TTC28: variants seen among roughly 807,000 people sequenced by gnomAD.
The protein encoded by TTC28 is tetratricopeptide repeat domain 28, also known as tetratricopeptide repeat protein 28.
In TTC28, 61 loss-of-function variants were observed where a neutral mutation model predicts 198.0. The ratio of observed to expected loss-of-function variants is 0.31; its 90% CI spans 0.25 to 0.38. TTC28 has a LOEUF of 0.38. Ranked by LOEUF, TTC28 falls within the 10% of genes least tolerant of loss-of-function variation. The pLI, the probability that TTC28 is intolerant of heterozygous loss-of-function variation, is 1.00. For synonymous variants in TTC28, 1,171 were observed against 1,297.8 expected, an observed-to-expected ratio of 0.90 and a Z score of 2.10; for missense variants, 2,678 against 3,164.0, an observed-to-expected ratio of 0.85 and a Z score of 3.69.
rs1418871258 is a variant in TTC28, at chr22:28,001,163, C to T, written c.4398+211G>A. 7.2e-6 allele frequency: 4 copies of T among 555,584 alleles called. No homozygotes were observed. In the South Asian group the frequency reaches 1.1e-4, roughly 16 times the overall value. The allele number at this position is 555,584 out of a possible 1,614,324, so 34.4% of individuals were successfully genotyped here. On this transcript the variant is annotated intron_variant, in intron 15 of 22. Transcript: ENST00000397906. ...TGACACAAACTGTGGCTTCCCAAGG[C>T]AGCAAAGAATGGCCAGGGGTCATGA...
intron 5 of TTC28, among the ~76,000 whole-genome samples, chr22:28,225,552 A>G (rs909953859): frequency 1.3e-5 from 2 of 152,200 alleles, no homozygotes; most frequent in African/African-American, 4.8e-5. Context: ...CAATTACAAA[A>G]AGAAATAATA....
intron 8 of TTC28, among the ~76,000 whole-genome samples, chr22:28,104,849 C>T (rs1169873740): frequency 6.6e-6 from 1 of 152,184 alleles, no homozygotes; most frequent in African/African-American, 2.4e-5. Context: ...TCTAGAGGGA[C>T]AACAGAGCCT....
At chr22:28,604,070 G>A (rs1219373891) in intron 2 of TTC28, among the ~76,000 whole-genome samples, 2 of 151,792 alleles carry the variant, frequency 1.3e-5, no homozygotes, top group Non-Finnish European at 2.9e-5. Flanking sequence ...CTGAGTTCAC[G>A]AGATCAAGAC....
chr22:28,106,235 C>G (rs1368600910), intron 7 of TTC28, among the ~76,000 whole-genome samples: 1 of 152,166 alleles, frequency 6.6e-6, no homozygotes, highest in African/African-American at 2.4e-5. Flanking sequence ...GACCCTTGCC[C>G]TTCCTCCACT....
intron 5 of TTC28, among the ~76,000 whole-genome samples, chr22:28,174,906 C>T (rs1923014696): frequency 6.6e-6 from 1 of 151,874 alleles, no homozygotes; most frequent in Admixed American, 6.6e-5. Context: ...TGGTTGGTTC[C>T]TTTGTTCATT....
chr22:28,473,094 G>A (rs912470495), intron 2 of TTC28, among the ~76,000 whole-genome samples: 5 of 152,088 alleles, frequency 3.3e-5, no homozygotes, highest in African/African-American at 4.8e-5. Flanking sequence ...AAAAGAGAAG[G>A]TGGCTCATAA....
chr22:28,094,923 C>T (rs528395518), intron 11 of TTC28, among the ~76,000 whole-genome samples: 1 of 152,148 alleles, frequency 6.6e-6, no homozygotes, highest in East Asian at 1.9e-4. Context: ...GGATTAGCGC[C>T]CCCAGTGAAA....
chr22:28,497,144 C>T (rs1427419569), intron 2 of TTC28, among the ~76,000 whole-genome samples: 1 of 152,132 alleles, frequency 6.6e-6, no homozygotes. Flanking sequence ...TTATCGACAT[C>T]TAATATATTA....
chr22:28,515,262 C>T (rs1002758357), intron 2 of TTC28, among the ~76,000 whole-genome samples: 5 of 152,048 alleles, frequency 3.3e-5, no homozygotes, highest in Non-Finnish European at 5.9e-5. Context: ...TTAAAAATTA[C>T]TATATGGTGG....
In TTC28 at chr22:28,477,197, CATGAGTAT is replaced by C. The variant is rs1017719584; in HGVS notation, c.381+152347_381+152354del. 6.5e-4 allele frequency among the ~76,000 whole-genome samples: 99 copies of C among 152,294 alleles called. 1 individual carries two copies. Among genetic ancestry groups the C allele is most frequent in the Admixed American group, 6.1e-3 (93 of 15,286 alleles). On this transcript the variant is annotated intron_variant, in intron 2 of 22. Transcript: ENST00000397906. ...CAACATCTTACTGAAGTAGTGGTTACATGAGTATACACATTTCTCAAAACTCATCTGTG... is the reference window on the plus strand; with the variant it reads ...CAACATCTTACTGAAGTAGTGGTTACACACATTTCTCAAAACTCATCTGTG...
At chr22:27,996,358 AG>A in intron 16 of TTC28, 99 bp from the exon 17 acceptor site, 1 of 1,479,438 alleles carries the variant, frequency 6.8e-7, no homozygotes, top group South Asian at 1.3e-5. Context: ...TTAACCCAGC[AG>A]AAAGAGCAGG....
At chr22:28,536,351 G>A (rs574385073) in intron 2 of TTC28, among the ~76,000 whole-genome samples, 20 of 151,762 alleles carry the variant, frequency 1.3e-4, no homozygotes, top group African/African-American at 3.9e-4. Context: ...GCGGCCGGGC[G>A]CGGTGGCTCA....
intron 12 of TTC28, among the ~76,000 whole-genome samples, chr22:28,031,990 T>C (rs184501463): frequency 2.5e-4 from 38 of 151,812 alleles, no homozygotes; most frequent in Admixed American, 2.0e-3. Flanking sequence ...GGCTTGGACT[T>C]GAACTGAAAC....
At position 27,985,162 on chromosome 22, in the gene TTC28, G is replaced by C; in HGVS notation, c.5815+87C>G. ...AAAAATGTTGATTCACTTTTCTTCT[G>C]CTTCCCAAAATGTATGTGCTGGTGT... is the stretch of plus-strand genomic sequence containing the variant. On this transcript the variant is annotated intron_variant, in intron 22 of 22. Transcript: ENST00000397906. 7 of 978,628 alleles carry C rather than the reference G, an allele frequency of 7.2e-6. No homozygotes were observed. In the South Asian group the frequency reaches 1.1e-4, roughly 15 times the overall value. The allele number at this position is 978,628 out of a possible 1,614,324, so 60.6% of individuals were successfully genotyped here.
chr22:28,147,165 G>C (rs1943488380), intron 6 of TTC28, among the ~76,000 whole-genome samples: 1 of 152,216 alleles, frequency 6.6e-6, no homozygotes, highest in Admixed American at 6.5e-5. Context: ...TGCTGTGTCA[G>C]AGACAGCCTT....
intron 5 of TTC28, among the ~76,000 whole-genome samples, chr22:28,166,914 T>C (rs760462956): frequency 6.6e-6 from 1 of 152,042 alleles, no homozygotes; most frequent in Non-Finnish European, 1.5e-5. Flanking sequence ...ACAAAATTGA[T>C]GGACTGCTAG....
intron 2 of TTC28, among the ~76,000 whole-genome samples, chr22:28,420,732 A>T (rs1807603): frequency 0.64 from 96,854 of 151,598 alleles, 32,114 homozygotes; most frequent in South Asian, 0.78. Context: ...CCCGAGTAGC[A>T]GGGATTACAG....
intron 2 of TTC28, among the ~76,000 whole-genome samples, chr22:28,346,975 G>C (rs879016685): frequency 6.6e-6 from 1 of 152,118 alleles, no homozygotes; most frequent in Non-Finnish European, 1.5e-5. Context: ...TTAAAGGAAA[G>C]ACTATGGCCG....
intron 5 of TTC28, among the ~76,000 whole-genome samples, chr22:28,284,479 G>A (rs186830062): frequency 5.9e-5 from 9 of 152,060 alleles, no homozygotes; most frequent in African/African-American, 1.4e-4. Context: ...TGGATATGAC[G>A]CCAAAAGCAT....
Sources: allele counts gnomAD v4.1 joint callset (sites outside exome capture counted in the v4.1 genomes callset), GRCh38; gene constraint gnomAD v4.1.1; transcripts MANE v1.5; gene names NCBI Gene and HGNC (gene_info 2026-07-23, HGNC 2026-07-21).